AAMDC: variants seen among roughly 807,000 people sequenced by gnomAD.
The protein encoded by AAMDC is mth938 domain-containing protein.
Under a neutral mutation model 15.5 loss-of-function variants are expected in AAMDC, and 16 were observed. That is an observed-to-expected ratio of 1.03 (90% CI 0.70 to 1.57). The LOEUF (loss-of-function observed/expected upper bound fraction) is 1.57. Among genes scored for constraint, AAMDC ranks in the 40% most tolerant of loss-of-function variants. The pLI, the probability that AAMDC is intolerant of heterozygous loss-of-function variation, is 0.00. For missense variants in AAMDC, 141 were observed against 144.9 expected, an observed-to-expected ratio of 0.97 and a Z score of 0.14; for synonymous variants, 51 against 51.6, an observed-to-expected ratio of 0.99 and a Z score of 0.05.
intron 1 of AAMDC, chr11:77,841,166 A>G (rs891371355): frequency 2.9e-6 from 2 of 701,172 alleles, no homozygotes; most frequent in Non-Finnish European, 5.2e-6. Flanking sequence ...CTACTCCTGC[A>G]ATAACAGCAT....
chr11:77,884,339 T>C (rs535780703), intron 5 of AAMDC, among the ~76,000 whole-genome samples: 26 of 152,348 alleles, frequency 1.7e-4, no homozygotes, highest in African/African-American at 6.0e-4. Context: ...GGAGTTATTT[T>C]GTAATTGCAT....
At chr11:77,865,198 A>G (rs1951055939) in intron 2 of AAMDC, among the ~76,000 whole-genome samples, 1 of 152,212 alleles carries the variant, frequency 6.6e-6, no homozygotes, top group South Asian at 2.1e-4. Flanking sequence ...TTAGTAATGG[A>G]TTACTTAGCA....
intron 2 of AAMDC, among the ~76,000 whole-genome samples, chr11:77,856,429 A>T (rs1003895409): frequency 1.3e-5 from 2 of 152,118 alleles, no homozygotes; most frequent in African/African-American, 4.8e-5. Context: ...CCCATTACCT[A>T]GTTCCATAGC....
At chr11:77,851,955 A>G (rs1474955182) in intron 2 of AAMDC, among the ~76,000 whole-genome samples, 1 of 152,132 alleles carries the variant, frequency 6.6e-6, no homozygotes, top group Non-Finnish European at 1.5e-5. Flanking sequence ...AAATAGAATA[A>G]ACAGTTGCAT....
At chr11:77,886,775 G>A (rs560787265) in intron 5 of AAMDC, among the ~76,000 whole-genome samples, 11 of 152,200 alleles carry the variant, frequency 7.2e-5, no homozygotes, top group African/African-American at 2.6e-4. Context: ...GGCAGGGTCC[G>A]CAGGCCTTGC....
chr11:77,829,312 T>G (rs79410457), intron 1 of AAMDC, among the ~76,000 whole-genome samples: 1,552 of 152,316 alleles, frequency 0.01, 28 homozygotes, highest in African/African-American at 0.036. Flanking sequence ...CACCTTATCT[T>G]GGATATGCCA....
intron 2 of AAMDC, 96 bp from the exon 3 acceptor site, chr11:77,869,626 A>C: frequency 8.3e-7 from 1 of 1,200,574 alleles, no homozygotes; most frequent in East Asian, 2.4e-5. Context: ...AGTGAACCTC[A>C]GTAGACATTT....
Position 77,869,834 on chromosome 11 carries a change from AC to A in AAMDC, c.228+18del. 1 of 1,607,192 alleles carries A rather than the reference AC, an allele frequency of 6.2e-7. No homozygotes were observed. The highest frequency in any genetic ancestry group is 8.5e-7 in the Non-Finnish European group (1 of 1,174,042). On this transcript the variant is annotated intron_variant, in intron 3 of 3. Transcript: ENST00000393427. ...GCCTTGAAGGTAGGTGTTGGTATGC[AC>A]AGCATTCCTGAGGACAGGTGGGGAT...
chr11:77,826,197 A>G (rs942936999), intron 1 of AAMDC, among the ~76,000 whole-genome samples: 2 of 152,100 alleles, frequency 1.3e-5, no homozygotes, highest in Non-Finnish European at 2.9e-5. Flanking sequence ...CTTCGTCTCT[A>G]CTAAAAATGC....
rs746182266 is a variant in AAMDC, at chr11:77,823,214, CAA to C, written c.-19+1992_-19+1993del. ...TGGGCGACAGAGCAAGACTCCGTCT[CAA>C]AAAAAAAAAAAAAAAAAAGAAATTA... On this transcript the variant is annotated intron_variant, in intron 1 of 3. Coordinates refer to ENST00000393427, the MANE Select transcript of AAMDC (RefSeq NM_024684.4). 4.9e-3 allele frequency among the ~76,000 whole-genome samples: 451 copies of C among 92,694 alleles called. 1 individual carries two copies. Among genetic ancestry groups the C allele is most frequent in the African/African-American group, 0.016 (362 of 22,112 alleles). The allele number at this position is 92,694 out of a possible 152,430, so 60.8% of individuals were successfully genotyped here.
rs564540280 is a variant in AAMDC, at chr11:77,830,415, C to T, written c.-19+9174C>T. ...TAAAGTTATCTATTGAGAAATCTAG[C>T]GCCTATTGTTTGAAGAATGCAGTCT... On this transcript the variant is annotated intron_variant, in intron 1 of 3. Transcript: ENST00000393427. Among the ~76,000 whole-genome samples the T allele has an allele frequency of 5.3e-5, 8 of 152,184 alleles. No homozygotes were observed. In the East Asian group the frequency reaches 1.5e-3, roughly 29 times the overall value.
intron 2 of AAMDC, among the ~76,000 whole-genome samples, chr11:77,847,978 CT>C (rs1950212924): frequency 6.6e-6 from 1 of 152,158 alleles, no homozygotes; most frequent in South Asian, 2.1e-4. Flanking sequence ...GCAAATTCTC[CT>C]TCCTCTGCTT....
intron 5 of AAMDC, chr11:77,891,719 G>A (rs1270773866): frequency 1.1e-5 from 18 of 1,611,864 alleles, no homozygotes; most frequent in Non-Finnish European, 1.4e-5. Context: ...GCACTCTGTC[G>A]CAGCATGGTC....
chr11:77,881,864 G>C (rs1295351286), intron 5 of AAMDC, among the ~76,000 whole-genome samples: 1 of 151,742 alleles, frequency 6.6e-6, no homozygotes, highest in African/African-American at 2.4e-5. Flanking sequence ...ATAGTGACTG[G>C]GTAGCGACCA....
Position 77,824,331 on chromosome 11 carries a change from C to T in AAMDC, c.-19+3090C>T, listed in dbSNP as rs1949072708. Among the ~76,000 whole-genome samples, 6 of 152,278 alleles carry T rather than the reference C, an allele frequency of 3.9e-5. No homozygotes were observed. The South Asian group carries it at 1.2e-3, about 32-fold the overall frequency. Reference sequence around the variant, plus strand: ...CCTGTATTTGATTTATTGCTACTGCCATGAAGAGGCCTTTAAATAAGCATT... The same window carrying T: ...CCTGTATTTGATTTATTGCTACTGCTATGAAGAGGCCTTTAAATAAGCATT... On this transcript the variant is annotated intron_variant, in intron 1 of 3. Transcript: ENST00000393427.
At chr11:77,890,228 A>G (rs550085912) in intron 5 of AAMDC, among the ~76,000 whole-genome samples, 125 of 152,358 alleles carry the variant, frequency 8.2e-4, no homozygotes, top group African/African-American at 2.8e-3. Context: ...TGCAGGTCTC[A>G]TAATTTTTAA....
intron 5 of AAMDC, chr11:77,894,216 G>A (rs899492249): frequency 8.6e-5 from 64 of 746,172 alleles, no homozygotes; most frequent in Non-Finnish European, 1.3e-4. Context: ...ATTTGTGATT[G>A]TTCCTATTGC....
intron 2 of AAMDC, among the ~76,000 whole-genome samples, chr11:77,854,177 A>G (rs1950516759): frequency 6.6e-6 from 1 of 151,824 alleles, no homozygotes; most frequent in Admixed American, 6.6e-5. Flanking sequence ...TATTTGTAGT[A>G]GAGACGGGGT....
chr11:77,901,368 G>A (rs1952771660), downstream of AAMDC: 3 of 1,586,650 alleles, frequency 1.9e-6, no homozygotes, highest in East Asian at 4.5e-5. Context: ...GAATGCATTT[G>A]AAGTATCTTT....
Sources: allele counts gnomAD v4.1 joint callset (sites outside exome capture counted in the v4.1 genomes callset), GRCh38; gene constraint gnomAD v4.1.1; transcripts MANE v1.5; gene names NCBI Gene and HGNC (gene_info 2026-07-23, HGNC 2026-07-21).